LRRC8C: variants seen among roughly 807,000 people sequenced by gnomAD.
LRRC8C encodes leucine rich repeat containing 8 VRAC subunit C.
LRRC8C carries 20 observed loss-of-function variants against 55.3 expected under a neutral mutation model. The ratio of observed to expected loss-of-function variants is 0.36; its 90% confidence interval spans 0.25 to 0.53. The LOEUF (loss-of-function observed/expected upper bound fraction) is 0.53, where lower values mean the gene tolerates loss of function less well. LRRC8C is among the 20% of genes least tolerant of loss of function. LRRC8C has a pLI of 0.92. For synonymous variants in LRRC8C, 376 were observed against 360.7 expected (o/e 1.04, Z -0.48); for missense variants, 659 against 951.4 (o/e 0.69, Z 4.04).
intron 1 of LRRC8C, among the ~76,000 whole-genome samples, chr1:89,650,223 T>G (rs1043189989): frequency 1.3e-5 from 2 of 152,164 alleles, no homozygotes; most frequent in African/African-American, 4.8e-5. Flanking sequence ...AATGTTGTCA[T>G]AGGATAATTT....
intron 2 of LRRC8C, among the ~76,000 whole-genome samples, chr1:89,700,396 A>C (rs1193127555): frequency 6.6e-6 from 1 of 152,224 alleles, no homozygotes; most frequent in Admixed American, 6.5e-5. Flanking sequence ...TGCTTTTAGA[A>C]CAGCAAATAC....
chr1:89,617,038 G>C, the LRRC8C span, among the ~76,000 whole-genome samples: 1 of 152,106 alleles, frequency 6.6e-6, no homozygotes, highest in Non-Finnish European at 1.5e-5. Flanking sequence ...GCCAAAATTG[G>C]AAACAGATAG....
Position 89,713,488 on chromosome 1 carries a change from T to C in LRRC8C, c.918T>C (p.Phe306=). The C allele has an allele frequency of 6.2e-7, 1 of 1,614,208 alleles. No individual in the cohort carries two copies. The highest frequency in any genetic ancestry group is 1.3e-5 in the African/African-American group (1 of 75,068). The change falls in exon 3 of 3, where the codon TTT becomes TTC. Residue 306 remains phenylalanine (F), a synonymous_variant. Coordinates refer to ENST00000370454, the MANE Select transcript of LRRC8C (RefSeq NM_032270.5). This position sits in a 1 kb window ranked among gnomAD's most constrained non-coding sequence, Gnocchi z 5.2. ...AGGACATGACTGGATATAAAAACTTTTCTTGCAATCATACCATGGCACACT... is the reference window on the plus strand; with the variant it reads ...AGGACATGACTGGATATAAAAACTTCTCTTGCAATCATACCATGGCACACT... ...DIQDMTGYKN[F]SCNHTMAHLF...
the LRRC8C span, among the ~76,000 whole-genome samples, chr1:89,624,147 A>G: frequency 6.6e-6 from 1 of 152,212 alleles, no homozygotes; most frequent in Non-Finnish European, 1.5e-5. Context: ...GAGCTAGGGA[A>G]TATCAACCTT....
At chr1:89,632,826 G>C (rs1656145659), upstream of LRRC8C, 1 of 152,438 alleles carries the variant, frequency 6.6e-6, no homozygotes, top group Non-Finnish European at 1.5e-5. Context: ...TCGTGAAGCG[G>C]AGAGAGGATT....
chr1:89,684,924 A>G (rs1657825538), intron 1 of LRRC8C, among the ~76,000 whole-genome samples: 3 of 152,208 alleles, frequency 2.0e-5, no homozygotes, highest in Admixed American at 2.0e-4. Flanking sequence ...AGAGGAGAAC[A>G]TCGCCAGGCC....
chr1:89,716,829 C>A lies in LRRC8C; in HGVS notation c.*1847C>A, dbSNP rs900937709. 1 of 152,148 alleles carries A rather than the reference C, an allele frequency of 6.6e-6. No homozygotes were observed. Among genetic ancestry groups the A allele is most frequent in the Non-Finnish European group, 1.5e-5 (1 of 68,012 alleles). 9.4% of individuals were successfully genotyped at this position (152,148 alleles called of 1,614,324 possible). ...TGCTGCTTTGAGTTGTATACAGAAA[C>A]AAATGTTGGGAATTGCTCCTCAGAA... is the stretch of plus-strand genomic sequence containing the variant. On this transcript the variant is annotated 3_prime_UTR_variant, in exon 3 of 3. Transcript: ENST00000370454.
intron 1 of LRRC8C, among the ~76,000 whole-genome samples, chr1:89,649,044 T>C (rs1480867255): frequency 6.6e-6 from 1 of 152,206 alleles, no homozygotes; most frequent in Non-Finnish European, 1.5e-5. Flanking sequence ...TGAACATTCA[T>C]GTATATGTAT....
chr1:89,637,944 T>G (rs1035264939), intron 1 of LRRC8C, among the ~76,000 whole-genome samples: 1 of 152,176 alleles, frequency 6.6e-6, no homozygotes, highest in African/African-American at 2.4e-5. Context: ...AGTCTAACAT[T>G]CGGTGTATCT....
chr1:89,650,496 T>TA (rs35562873), intron 1 of LRRC8C, among the ~76,000 whole-genome samples: 82,802 of 148,076 alleles, frequency 0.56, 23,117 homozygotes, highest in East Asian at 0.79. Flanking sequence ...AATTAGGAAG[T>TA]AAAAAAAAAA....
At chr1:89,662,794 C>T (rs1426802476) in intron 1 of LRRC8C, among the ~76,000 whole-genome samples, 2 of 152,086 alleles carry the variant, frequency 1.3e-5, no homozygotes, top group Non-Finnish European at 2.9e-5. Context: ...CAGCCCCCGC[C>T]ATGGGGTAGA....
intron 1 of LRRC8C, among the ~76,000 whole-genome samples, chr1:89,674,037 T>C (rs1657488156): frequency 6.6e-6 from 1 of 152,228 alleles, no homozygotes; most frequent in Non-Finnish European, 1.5e-5. Flanking sequence ...ATTTATGTCT[T>C]CTTTGTGATG....
chr1:89,693,689 ACTCTGTCACCCAGGCTG>A (rs1159850727), intron 2 of LRRC8C, among the ~76,000 whole-genome samples: 5 of 109,726 alleles, frequency 4.6e-5, no homozygotes, highest in Non-Finnish European at 6.7e-5. Context: ...ACAGAGTCTC[ACTCTGTCACCCAGGCTG>A]GAGTGCAGAG....
At chr1:89,636,993 C>T (rs954703122) in intron 1 of LRRC8C, among the ~76,000 whole-genome samples, 2 of 152,086 alleles carry the variant, frequency 1.3e-5, no homozygotes, top group African/African-American at 4.8e-5. Flanking sequence ...GAGATCCTTA[C>T]AATAATTAGG....
Position 89,714,336 on chromosome 1 carries a change from C to G in LRRC8C, c.1766C>G (p.Thr589Ser), listed in dbSNP as rs1423055151. 1 of 1,614,130 alleles carries G rather than the reference C, an allele frequency of 6.2e-7. No individual in the cohort carries two copies. Among genetic ancestry groups the G allele is most frequent in the Non-Finnish European group, 8.5e-7 (1 of 1,180,020 alleles). Residue 589 changes from threonine (T) to serine (S), a missense_variant, in exon 3 of 3, where the codon ACC becomes AGC. By Grantham distance (58) the Thr-to-Ser change is moderately conservative. Around this residue, in one of 5 missense-constraint regions of LRRC8C, gnomAD observed 344 missense variants for 464.6 expected, o/e 0.74. Transcript: ENST00000370454. The surrounding 1 kb of genome is among the most constrained non-coding windows in gnomAD (Gnocchi z 4.6). ...LVMLNNLKKM[T>S]NLTELELVHC... ...ATGCTCAACAACTTAAAGAAGATGA[C>G]CAATCTGACAGAGCTGGAGCTGGTC...
At chr1:89,633,111 G>A (rs1187861429), upstream of LRRC8C, 1 of 152,070 alleles carries the variant, frequency 6.6e-6, no homozygotes. Flanking sequence ...GGGCTTGCGG[G>A]GCTGGGGCGT....
the LRRC8C span, among the ~76,000 whole-genome samples, chr1:89,617,146 T>C: frequency 2.6e-5 from 4 of 152,340 alleles, no homozygotes; most frequent in African/African-American, 9.6e-5. Context: ...ATCTAGGATA[T>C]AGACAGAGCA....
chr1:89,705,922 C>A (rs1658468825), intron 2 of LRRC8C, among the ~76,000 whole-genome samples: 1 of 152,048 alleles, frequency 6.6e-6, no homozygotes, highest in Non-Finnish European at 1.5e-5. Context: ...AAATTAGATG[C>A]AAACAAGTGA....
intron 1 of LRRC8C, among the ~76,000 whole-genome samples, chr1:89,666,618 T>C (rs570580395): frequency 6.6e-6 from 1 of 152,216 alleles, no homozygotes; most frequent in African/African-American, 2.4e-5. Flanking sequence ...CATGAGAAAA[T>C]GCAGAGTAGT....
Sources: allele counts gnomAD v4.1 joint callset (sites outside exome capture counted in the v4.1 genomes callset), GRCh38; gene constraint gnomAD v4.1.1; regional missense constraint gnomAD v4.1.1; non-coding constraint Gnocchi (gnomAD v3.1); transcripts MANE v1.5; gene names NCBI Gene and HGNC (gene_info 2026-07-23, HGNC 2026-07-21).